CTNNA3: variants seen among roughly 807,000 people sequenced by gnomAD.
The protein encoded by CTNNA3 is catenin alpha 3, also known as catenin alpha-3.
Under a neutral mutation model 95.7 loss-of-function variants are expected in CTNNA3, and 76 were observed. The observed-to-expected ratio is 0.79, with a 90% CI of 0.66 to 0.96. The LOEUF is 0.96. Ranked by LOEUF, CTNNA3 falls within the 40% of genes least tolerant of loss-of-function variation. The pLI is 0.00. For synonymous variants in CTNNA3, 431 were observed against 374.4 expected, an observed-to-expected ratio of 1.15 and a Z score of -1.74; for missense variants, 1,191 against 1,089.8, an observed-to-expected ratio of 1.09 and a Z score of -1.31.
At chr10:67,087,496 C>A (rs1433186708) in intron 7 of CTNNA3, among the ~76,000 whole-genome samples, 1 of 151,540 alleles carries the variant, frequency 6.6e-6, no homozygotes, top group African/African-American at 2.4e-5. Context: ...TTTAGATACA[C>A]AATTCATACC....
intron 7 of CTNNA3, among the ~76,000 whole-genome samples, chr10:67,072,658 C>G (rs2619652): frequency 6.6e-6 from 1 of 151,914 alleles, no homozygotes; most frequent in Admixed American, 6.6e-5. Flanking sequence ...CCATGACACT[C>G]CCTGGATTTT....
chr10:66,393,842 C>CA (rs1485973477), intron 11 of CTNNA3, among the ~76,000 whole-genome samples: 1 of 151,904 alleles, frequency 6.6e-6, no homozygotes, highest in African/African-American at 2.4e-5. Context: ...AATATGTTCT[C>CA]AAAATTCACA....
intron 9 of CTNNA3, among the ~76,000 whole-genome samples, chr10:66,760,333 C>T (rs1017442785): frequency 2.0e-5 from 3 of 152,134 alleles, no homozygotes; most frequent in Admixed American, 6.5e-5. Flanking sequence ...TGTTCAACTG[C>T]CTCTATCCCA....
intron 12 of CTNNA3, among the ~76,000 whole-genome samples, chr10:66,347,990 A>G (rs548198037): frequency 6.6e-6 from 1 of 152,234 alleles, no homozygotes; most frequent in East Asian, 1.9e-4. Context: ...TACCTCCAAA[A>G]CAGTATAAAT....
At position 66,033,143 on chromosome 10, in the gene CTNNA3, T is replaced by TTTC. The variant is rs2079483695; in HGVS notation, c.2159+36164_2159+36165insGAA. 1.3e-5 allele frequency among the ~76,000 whole-genome samples: 2 copies of TTTC among 149,486 alleles called. 1 individual carries two copies. The highest frequency in any genetic ancestry group is 4.3e-4 in the South Asian group (2 of 4,688). ...TTTTTTTTTCTTTTTTTCTTTTTTT[T>TTTC]TTTTTTGAGACGAGTCTCGCTCTGT... is the stretch of plus-strand genomic sequence containing the variant. On this transcript the variant is annotated intron_variant, in intron 15 of 17. Transcript: ENST00000433211.
At chr10:66,836,998 A>G (rs933999341) in intron 7 of CTNNA3, among the ~76,000 whole-genome samples, 8 of 152,150 alleles carry the variant, frequency 5.3e-5, no homozygotes, top group African/African-American at 1.9e-4. Context: ...CTAGCCTTTG[A>G]ATAATCAAAA....
chr10:66,077,891 A>G (rs1440008329), intron 14 of CTNNA3, among the ~76,000 whole-genome samples: 2 of 151,748 alleles, frequency 1.3e-5, no homozygotes, highest in African/African-American at 2.4e-5. Flanking sequence ...TATATATTGA[A>G]GGGTTGGTAA....
At chr10:67,529,078 G>A (rs1840236973) in intron 4 of CTNNA3, among the ~76,000 whole-genome samples, 1 of 152,066 alleles carries the variant, frequency 6.6e-6, no homozygotes, top group Non-Finnish European at 1.5e-5. Flanking sequence ...TAAGTAGCTT[G>A]AGTTAGCGAT....
intron 5 of CTNNA3, among the ~76,000 whole-genome samples, chr10:67,302,599 T>C (rs1589143637): frequency 1.3e-5 from 2 of 152,304 alleles, no homozygotes; most frequent in Non-Finnish European, 2.9e-5. Flanking sequence ...GACATACAAT[T>C]AAGAACCACA....
intron 7 of CTNNA3, among the ~76,000 whole-genome samples, chr10:66,848,415 T>C (rs1241438282): frequency 6.6e-6 from 1 of 152,138 alleles, no homozygotes; most frequent in Admixed American, 6.6e-5. Context: ...TGTCTGACAG[T>C]GAAGGGCACA....
At chr10:67,226,343 C>T (rs140500311) in intron 5 of CTNNA3, among the ~76,000 whole-genome samples, 1 of 152,122 alleles carries the variant, frequency 6.6e-6, no homozygotes, top group African/African-American at 2.4e-5. Flanking sequence ...TGCTAGAGAC[C>T]TAGACATCCA....
At chr10:66,489,358 C>G (rs572455900) in intron 11 of CTNNA3, among the ~76,000 whole-genome samples, 1 of 152,156 alleles carries the variant, frequency 6.6e-6, no homozygotes, top group Non-Finnish European at 1.5e-5. Flanking sequence ...GATTGAAGGA[C>G]AGCTAAATAG....
At chr10:66,932,833 A>G (rs1165682429) in intron 7 of CTNNA3, among the ~76,000 whole-genome samples, 1 of 152,202 alleles carries the variant, frequency 6.6e-6, no homozygotes, top group Admixed American at 6.5e-5. Flanking sequence ...AATAAAATCT[A>G]AATAACAATA....
intron 4 of CTNNA3, among the ~76,000 whole-genome samples, chr10:67,522,496 A>G (rs1840018073): frequency 6.6e-6 from 1 of 152,126 alleles, no homozygotes; most frequent in Non-Finnish European, 1.5e-5. Flanking sequence ...CAGAGCTTGT[A>G]TTTTGAGAAG....
chr10:66,048,584 C>G (rs1488050291), intron 15 of CTNNA3, among the ~76,000 whole-genome samples: 3 of 152,078 alleles, frequency 2.0e-5, no homozygotes, highest in Admixed American at 1.3e-4. Flanking sequence ...CACGGCGAAA[C>G]CCCATCTCTA....
chr10:66,721,158 G>A (rs1332361733), intron 9 of CTNNA3, among the ~76,000 whole-genome samples: 2 of 152,152 alleles, frequency 1.3e-5, no homozygotes, highest in Non-Finnish European at 2.9e-5. Flanking sequence ...TGCAGGGAGA[G>A]GCTATGGGAT....
intron 5 of CTNNA3, among the ~76,000 whole-genome samples, chr10:67,350,254 G>C (rs762174193): frequency 6.6e-6 from 1 of 152,054 alleles, no homozygotes; most frequent in South Asian, 2.1e-4. Flanking sequence ...CCATACCATG[G>C]TTGTGAGAGA....
At chr10:66,202,833 G>T (rs1346807700) in intron 13 of CTNNA3, among the ~76,000 whole-genome samples, 2 of 152,070 alleles carry the variant, frequency 1.3e-5, no homozygotes, top group Non-Finnish European at 2.9e-5. Context: ...TTACGGGTGA[G>T]ATTTTAAACT....
Position 65,920,334 on chromosome 10 carries a change from T to A in CTNNA3, c.2684A>T (p.Tyr895Phe). ...VMSEFRGRQI[Y>F] ...ACTATATGTAGAATAGTGGTTTCAG[T>A]AGATTTGTCTTCCTCTAAATTCACT... Residue 895 changes from tyrosine (Y) to phenylalanine (F), a missense_variant, in exon 18 of 18, where the codon TAC becomes TTC. By Grantham distance (22) the Tyr-to-Phe change is conservative. Transcript: ENST00000433211. 6.2e-7 allele frequency: 1 copy of A among 1,613,058 alleles called. No homozygotes were observed. The highest frequency in any genetic ancestry group is 8.5e-7 in the Non-Finnish European group (1 of 1,179,560).
Sources: allele counts gnomAD v4.1 joint callset (sites outside exome capture counted in the v4.1 genomes callset), GRCh38; gene constraint gnomAD v4.1.1; transcripts MANE v1.5; gene names NCBI Gene and HGNC (gene_info 2026-07-23, HGNC 2026-07-21).